SPAG16: variants seen among roughly 807,000 people sequenced by gnomAD.
SPAG16 encodes the protein sperm associated antigen 16.
Under a neutral mutation model 80.4 loss-of-function variants are expected in SPAG16, and 86 were observed. The ratio of observed to expected loss-of-function variants is 1.07; its 90% confidence interval spans 0.90 to 1.28. The LOEUF (loss-of-function observed/expected upper bound fraction) is 1.28. Among genes scored for constraint, SPAG16 ranks in the 50% most tolerant of loss-of-function variants. The pLI is 0.00. For missense variants in SPAG16, 870 were observed against 765.3 expected (o/e 1.14, Z -1.61); for synonymous variants, 294 against 265.9 (o/e 1.11, Z -1.03).
At chr2:214,070,492 G>A (rs1028182807) in intron 13 of SPAG16, among the ~76,000 whole-genome samples, 1 of 151,826 alleles carries the variant, frequency 6.6e-6, no homozygotes, top group African/African-American at 2.4e-5. Flanking sequence ...ATAGATCTTC[G>A]TAGCTTTAAT....
chr2:213,288,670 T>C (rs1052009909), intron 1 of SPAG16, among the ~76,000 whole-genome samples: 3 of 151,982 alleles, frequency 2.0e-5, no homozygotes, highest in African/African-American at 7.2e-5. Flanking sequence ...AAGCTAAACA[T>C]TGTAGTTGAG....
chr2:213,970,502 A>G (rs1439903482), intron 12 of SPAG16, among the ~76,000 whole-genome samples: 3 of 151,984 alleles, frequency 2.0e-5, no homozygotes, highest in African/African-American at 7.2e-5. Context: ...AGGTTTCACC[A>G]TGTTGCCCAG....
intron 12 of SPAG16, among the ~76,000 whole-genome samples, chr2:213,941,638 C>G (rs1575606123): frequency 6.6e-6 from 1 of 152,146 alleles, no homozygotes; most frequent in Non-Finnish European, 1.5e-5. Context: ...AACTTATGTT[C>G]CCTCCTACTC....
chr2:213,378,212 G>T (rs543829582), intron 9 of SPAG16, among the ~76,000 whole-genome samples: 5 of 152,044 alleles, frequency 3.3e-5, no homozygotes, highest in African/African-American at 9.7e-5. Flanking sequence ...TTAAGGGTGG[G>T]TCTGTCTTTC....
rs557575351 is a variant in SPAG16, at chr2:214,202,567, A to G, written c.1720+53301A>G. 1.4e-4 allele frequency among the ~76,000 whole-genome samples: 22 copies of G among 152,306 alleles called. No individual in the cohort carries two copies. The East Asian group carries it at 4.2e-3, about 29-fold the overall frequency. On this transcript the variant is annotated intron_variant, in intron 15 of 15. Coordinates refer to ENST00000331683, the MANE Select transcript of SPAG16 (RefSeq NM_024532.5). ...ATCGGGGCAGAGGTAAATTATCCTC[A>G]AGAAAGAAAGATTGAAGCCCCAAAA...
intron 10 of SPAG16, among the ~76,000 whole-genome samples, chr2:213,832,526 A>C (rs1437496006): frequency 6.6e-6 from 1 of 152,140 alleles, no homozygotes; most frequent in Non-Finnish European, 1.5e-5. Context: ...CCTCAAAGGA[A>C]GACATAAAAC....
intron 10 of SPAG16, among the ~76,000 whole-genome samples, chr2:213,556,783 G>A (rs2125967482): frequency 6.6e-6 from 1 of 152,196 alleles, no homozygotes; most frequent in Non-Finnish European, 1.5e-5. Flanking sequence ...TCCAACAGCA[G>A]AACAATACAT....
At chr2:214,201,143 G>A (rs1488464016) in intron 15 of SPAG16, among the ~76,000 whole-genome samples, 11 of 152,156 alleles carry the variant, frequency 7.2e-5, no homozygotes, top group East Asian at 1.9e-4. Context: ...TTCTAAAGAC[G>A]GAGCCAAATT....
intron 10 of SPAG16, among the ~76,000 whole-genome samples, chr2:213,605,757 G>A (rs147995682): frequency 1.3e-5 from 2 of 152,132 alleles, no homozygotes; most frequent in African/African-American, 2.4e-5. Context: ...CCAAAGTGCT[G>A]GGATTACAGG....
chr2:213,896,442 A>G (rs915948210), intron 11 of SPAG16, among the ~76,000 whole-genome samples: 2 of 151,978 alleles, frequency 1.3e-5, no homozygotes, highest in African/African-American at 4.8e-5. Context: ...ACTACTGGGT[A>G]TATAATCAAA....
intron 5 of SPAG16, among the ~76,000 whole-genome samples, chr2:213,332,847 A>G (rs946270179): frequency 6.6e-6 from 1 of 152,116 alleles, no homozygotes. Flanking sequence ...AAACTCTCAA[A>G]AAATTTGGTA....
intron 13 of SPAG16, among the ~76,000 whole-genome samples, chr2:214,102,427 A>C (rs2053114910): frequency 6.6e-6 from 1 of 152,074 alleles, no homozygotes; most frequent in South Asian, 2.1e-4. Context: ...GACACAGTGG[A>C]AGCTCAGTTC....
At chr2:213,809,099 A>G (rs2071959323) in intron 10 of SPAG16, among the ~76,000 whole-genome samples, 1 of 152,150 alleles carries the variant, frequency 6.6e-6, no homozygotes, top group Admixed American at 6.5e-5. Context: ...ATTTTGGTGA[A>G]AGAATACCTC....
chr2:213,383,157 G>A (rs2067259116), intron 9 of SPAG16, among the ~76,000 whole-genome samples: 1 of 151,916 alleles, frequency 6.6e-6, no homozygotes, highest in South Asian at 2.1e-4. Flanking sequence ...CTCTTTTGTT[G>A]GATCTGGCAA....
At chr2:213,608,309 T>C (rs943823107) in intron 10 of SPAG16, among the ~76,000 whole-genome samples, 4 of 152,204 alleles carry the variant, frequency 2.6e-5, no homozygotes, top group African/African-American at 7.2e-5. Context: ...TATCTCCTAA[T>C]GCTATCGCTC....
At chr2:214,319,327 C>T (rs986089351) in intron 15 of SPAG16, among the ~76,000 whole-genome samples, 17 of 151,708 alleles carry the variant, frequency 1.1e-4, no homozygotes, top group African/African-American at 2.9e-4. Context: ...CACTAAGAGA[C>T]GCAGAGAGGA....
At chr2:214,104,226 G>C (rs1190732076) in intron 13 of SPAG16, among the ~76,000 whole-genome samples, 1 of 152,182 alleles carries the variant, frequency 6.6e-6, no homozygotes. Context: ...ACAGTGAAAA[G>C]GAAGAGTGGT....
rs1393220301 is a variant in SPAG16, at chr2:213,284,524, T to A, written c.41T>A (p.Val14Asp). ...GGGATGCCCAGCTCCGCCGTGAGGG[T>A]CCTGGAAGAGGCGTTGGGCATGGGT... Reference protein sequence around the residue: ...QRGMPSSAVRVLEEALGMGLT... With the variant: ...QRGMPSSAVRDLEEALGMGLT... The change falls in exon 1 of 16, where the codon GTC becomes GAC. Residue 14 changes from valine (V) to aspartate (D), a missense_variant. Coordinates refer to ENST00000331683, the MANE Select transcript of SPAG16 (RefSeq NM_024532.5). 4 of 1,593,646 alleles carry A rather than the reference T, an allele frequency of 2.5e-6. No individual in the cohort carries two copies. In the South Asian group the frequency reaches 4.6e-5, roughly 18 times the overall value.
At chr2:214,279,839 A>G (rs1321131692) in intron 15 of SPAG16, among the ~76,000 whole-genome samples, 1 of 152,246 alleles carries the variant, frequency 6.6e-6, no homozygotes, top group Admixed American at 6.5e-5. Flanking sequence ...CTAAAACAGG[A>G]TAGACTTAAA....
Sources: allele counts gnomAD v4.1 joint callset (sites outside exome capture counted in the v4.1 genomes callset), GRCh38; gene constraint gnomAD v4.1.1; transcripts MANE v1.5; gene names NCBI Gene and HGNC (gene_info 2026-07-23, HGNC 2026-07-21).